The following IL1RAPL2 variants were observed in gnomAD, a reference collection of about 807,000 sequenced individuals.
The protein encoded by IL1RAPL2 is interleukin 1 receptor accessory protein like 2, also known as X-linked interleukin-1 receptor accessory protein-like 2.
IL1RAPL2 carries 3 observed loss-of-function variants against 44.1 expected under a neutral mutation model. The ratio of observed to expected loss-of-function variants is 0.07; its 90% CI spans 0.03 to 0.18. The LOEUF (loss-of-function observed/expected upper bound fraction) is 0.18, where lower values mean the gene tolerates loss of function less well. Among genes scored for constraint, IL1RAPL2 ranks in the 10% least tolerant of loss-of-function variants. The pLI, the probability that IL1RAPL2 is intolerant of heterozygous loss-of-function variation, is 1.00. For synonymous variants in IL1RAPL2, 181 were observed against 178.8 expected (o/e 1.01, Z -0.10); for missense variants, 391 against 496.4 (o/e 0.79, Z 2.02).
At chrX:104,950,512 C>T (rs766543512) in intron 2 of IL1RAPL2, among the ~76,000 whole-genome samples, 43 of 112,403 alleles carry the variant, frequency 3.8e-4, no homozygotes, top group South Asian at 1.9e-3. Context: ...TTTCGAGCTT[C>T]GGGGCTGCTT....
At chrX:104,880,799 C>T (rs192510625) in intron 2 of IL1RAPL2, among the ~76,000 whole-genome samples, 22 of 112,046 alleles carry the variant, frequency 2.0e-4, no homozygotes, top group African/African-American at 7.1e-4. Flanking sequence ...CAAAACTATA[C>T]CTTTCTGTTT....
chrX:105,358,037 TAA>T (rs774626399), intron 5 of IL1RAPL2, among the ~76,000 whole-genome samples: 2,980 of 40,780 alleles, frequency 0.073, 228 homozygotes, highest in African/African-American at 0.21. Context: ...ATCCTATTTC[TAA>T]AAAAAAAAAA....
chrX:104,636,730 G>A (rs761062772), intron 1 of IL1RAPL2, among the ~76,000 whole-genome samples: 1 of 112,182 alleles, frequency 8.9e-6, no homozygotes, highest in East Asian at 2.8e-4. Flanking sequence ...GATTTTCCAG[G>A]TACCGTCTGT....
chrX:104,629,249 G>A (rs750039658), intron 1 of IL1RAPL2, among the ~76,000 whole-genome samples: 26 of 111,640 alleles, frequency 2.3e-4, no homozygotes, highest in Non-Finnish European at 4.5e-4. Context: ...ATCTCATTGT[G>A]GTTTTGATTT....
chrX:105,263,147 A>G (rs182632792), intron 4 of IL1RAPL2, among the ~76,000 whole-genome samples: 1 of 110,765 alleles, frequency 9.0e-6, no homozygotes, highest in East Asian at 2.9e-4. Flanking sequence ...GGCCTCCCAA[A>G]GTGCTAGGAT....
chrX:104,968,053 A>G (rs369619920), intron 2 of IL1RAPL2, among the ~76,000 whole-genome samples: 1 of 111,736 alleles, frequency 8.9e-6, no homozygotes, highest in African/African-American at 3.2e-5. Context: ...TCTAAGAATA[A>G]TCTTTATTCC....
intron 2 of IL1RAPL2, among the ~76,000 whole-genome samples, chrX:104,802,586 C>T (rs1465511597): frequency 9.0e-6 from 1 of 111,032 alleles, no homozygotes; most frequent in African/African-American, 3.3e-5. Flanking sequence ...CCGCTGTATG[C>T]ACAGTTTTGT....
intron 2 of IL1RAPL2, among the ~76,000 whole-genome samples, chrX:104,898,165 T>A (rs893018851): frequency 8.9e-6 from 1 of 111,879 alleles, no homozygotes; most frequent in African/African-American, 3.3e-5. Context: ...GGAAACTGGG[T>A]TAGGTAGTGA....
rs1004409468 is a variant in IL1RAPL2, at chrX:104,862,215, C to G, written c.82+203220C>G. Among the ~76,000 whole-genome samples, 5 of 111,019 alleles carry G rather than the reference C, an allele frequency of 4.5e-5. No individual in the cohort carries two copies. The Admixed American group carries it at 4.8e-4, about 11-fold the overall frequency. On this transcript the variant is annotated intron_variant, in intron 2 of 10. Transcript: ENST00000372582. ...TTTTATGTCACATTAAAGATCTGAA[C>G]TTCATTTTGAAGTATATTGCTGAGC... is the stretch of plus-strand genomic sequence containing the variant.
chrX:105,554,035 G>A (rs780145891), intron 6 of IL1RAPL2, among the ~76,000 whole-genome samples: 1 of 112,612 alleles, frequency 8.9e-6, no homozygotes, highest in Non-Finnish European at 1.9e-5. Context: ...CAACATGTCT[G>A]GTGTTATGTC....
At chrX:104,964,279 GATTTATTTATTT>G (rs199756067) in intron 2 of IL1RAPL2, among the ~76,000 whole-genome samples, 38 of 100,887 alleles carry the variant, frequency 3.8e-4, no homozygotes, top group East Asian at 1.5e-3. Context: ...TTGTGCCAGG[GATTTATTTATTT>G]ATTTATTTAT....
At chrX:105,507,626 C>T (rs1359148610) in intron 6 of IL1RAPL2, among the ~76,000 whole-genome samples, 3 of 111,339 alleles carry the variant, frequency 2.7e-5, no homozygotes, top group African/African-American at 6.5e-5. Context: ...ACTCTAGATC[C>T]ACCTTACAAA....
At chrX:104,673,944 A>G (rs1368730837) in intron 2 of IL1RAPL2, among the ~76,000 whole-genome samples, 2 of 110,707 alleles carry the variant, frequency 1.8e-5, no homozygotes, top group Non-Finnish European at 3.8e-5. Context: ...TTGTACATTG[A>G]TTTTGTATCC....
intron 6 of IL1RAPL2, among the ~76,000 whole-genome samples, chrX:105,542,019 T>C (rs1436001556): frequency 8.9e-6 from 1 of 111,805 alleles, no homozygotes; most frequent in Non-Finnish European, 1.9e-5. Context: ...CTGATTCTTC[T>C]TTCTCTTTGC....
chrX:104,894,484 C>A (rs775920848), intron 2 of IL1RAPL2, among the ~76,000 whole-genome samples: 1 of 111,438 alleles, frequency 9.0e-6, no homozygotes, highest in Non-Finnish European at 1.9e-5. Context: ...TATTTTGTTT[C>A]TTTTTACTCT....
At chrX:104,717,718 G>A (rs756774146) in intron 2 of IL1RAPL2, among the ~76,000 whole-genome samples, 63 of 108,717 alleles carry the variant, frequency 5.8e-4, no homozygotes, top group East Asian at 5.9e-4. Context: ...CCATTAACTC[G>A]TCATTTAGCG....
intron 6 of IL1RAPL2, among the ~76,000 whole-genome samples, chrX:105,685,635 A>G (rs1316268483): frequency 8.9e-6 from 1 of 111,839 alleles, no homozygotes; most frequent in Non-Finnish European, 1.9e-5. Context: ...TCTTCAGGAT[A>G]TTATCCAGGA....
chrX:105,502,396 A>G (rs936693737), intron 6 of IL1RAPL2, among the ~76,000 whole-genome samples: 3 of 111,832 alleles, frequency 2.7e-5, no homozygotes, highest in African/African-American at 9.7e-5. Flanking sequence ...GTGTTAATGT[A>G]CTTCTTAAAA....
At chrX:105,019,185 C>T (rs1374677161) in intron 2 of IL1RAPL2, among the ~76,000 whole-genome samples, 1 of 111,737 alleles carries the variant, frequency 8.9e-6, no homozygotes, top group African/African-American at 3.2e-5. Context: ...AATTGAGTAG[C>T]CTGGGAGAAT....
Sources: allele counts gnomAD v4.1 joint callset (sites outside exome capture counted in the v4.1 genomes callset), GRCh38; gene constraint gnomAD v4.1.1; transcripts MANE v1.5; gene names NCBI Gene and HGNC (gene_info 2026-07-23, HGNC 2026-07-21).